Variants in PAK3 observed in about 807,000 individuals in gnomAD.
The protein encoded by PAK3 is p21 (RAC1) activated kinase 3, also known as serine/threonine-protein kinase PAK 3.
A neutral mutation model predicts 41.0 loss-of-function variants in PAK3; 4 were observed. The ratio of observed to expected loss-of-function variants is 0.10; its 90% CI spans 0.05 to 0.22. The LOEUF (loss-of-function observed/expected upper bound fraction) is 0.22. PAK3 is among the 10% of genes least tolerant of loss of function. The pLI is 1.00. For synonymous variants in PAK3, 146 were observed against 139.6 expected, an observed-to-expected ratio of 1.05 and a Z score of -0.32; for missense variants, 205 against 409.9, an observed-to-expected ratio of 0.50 and a Z score of 4.32.
chrX:110,977,926 A>G lies in PAK3; in HGVS notation c.-28+33298A>G, dbSNP rs183419959. On this transcript the variant is annotated intron_variant, in intron 1 of 14. Coordinates refer to the PAK3 transcript ENST00000425146. ...CATAATTGTCCTGGCTACAGCCTCCAATACAATGTTGACTAGAAACGACAA... is the reference window on the plus strand; with the variant it reads ...CATAATTGTCCTGGCTACAGCCTCCGATACAATGTTGACTAGAAACGACAA... 1.4e-4 allele frequency among the ~76,000 whole-genome samples: 16 copies of G among 111,990 alleles called. No homozygotes were observed. The East Asian group carries it at 4.2e-3, about 29-fold the overall frequency.
chrX:110,991,587 T>C (rs778893436), intron 1 of PAK3, among the ~76,000 whole-genome samples: 1 of 112,263 alleles, frequency 8.9e-6, no homozygotes, highest in African/African-American at 3.2e-5. Context: ...TGATAAGCAT[T>C]CAATAGATGT....
chrX:111,038,128 C>A (rs1014258144), intron 1 of PAK3, among the ~76,000 whole-genome samples: 4 of 111,918 alleles, frequency 3.6e-5, no homozygotes, highest in African/African-American at 1.3e-4. Context: ...ATAATGTATG[C>A]AAAGCATCAG....
At chrX:111,183,423 C>G (rs1442253141) in intron 11 of PAK3, among the ~76,000 whole-genome samples, 2 of 111,399 alleles carry the variant, frequency 1.8e-5, no homozygotes, top group African/African-American at 6.5e-5. Context: ...ATTTGTAAAA[C>G]CTTAATGGGA....
intron 1 of PAK3, among the ~76,000 whole-genome samples, chrX:110,994,458 G>A (rs1036617247): frequency 4.5e-5 from 5 of 111,499 alleles, no homozygotes; most frequent in African/African-American, 1.6e-4. Context: ...ACCCCTGTTT[G>A]GCACATGTGA....
At chrX:111,006,589 C>G (rs943799411) in intron 1 of PAK3, among the ~76,000 whole-genome samples, 2 of 110,676 alleles carry the variant, frequency 1.8e-5, no homozygotes, top group African/African-American at 6.6e-5. Flanking sequence ...AAAACAGATC[C>G]CCTGATGAAA....
chrX:110,999,215 A>C (rs1032840922), intron 1 of PAK3, among the ~76,000 whole-genome samples: 6 of 111,689 alleles, frequency 5.4e-5, no homozygotes, highest in African/African-American at 2.0e-4. Context: ...TACTTGCTGG[A>C]GGGTAGTTAA....
At chrX:111,086,047 A>G (rs1169221849) in intron 1 of PAK3, among the ~76,000 whole-genome samples, 1 of 73,051 alleles carries the variant, frequency 1.4e-5, no homozygotes, top group Non-Finnish European at 2.4e-5. Context: ...TAGAGAGAAG[A>G]CTGTGATGTC....
chrX:110,958,882 C>T (rs2090920069), intron 1 of PAK3, among the ~76,000 whole-genome samples: 1 of 111,681 alleles, frequency 9.0e-6, no homozygotes, highest in Non-Finnish European at 1.9e-5. Flanking sequence ...GGAAGAGGTT[C>T]CTTTCTCTTT....
intron 10 of PAK3, among the ~76,000 whole-genome samples, chrX:111,167,450 C>G (rs781132496): frequency 2.9e-4 from 32 of 110,899 alleles, no homozygotes; most frequent in Non-Finnish European, 7.6e-5. Flanking sequence ...GGTGGGCAGC[C>G]CAGACCACAG....
chrX:111,010,986 T>C (rs1321192812), intron 1 of PAK3, among the ~76,000 whole-genome samples: 1 of 111,864 alleles, frequency 8.9e-6, no homozygotes, highest in Non-Finnish European at 1.9e-5. Context: ...CTGTTCTAGT[T>C]TTGAAAAATC....
chrX:111,162,554 A>T (rs1277131778), intron 8 of PAK3, among the ~76,000 whole-genome samples: 2 of 112,251 alleles, frequency 1.8e-5, no homozygotes, highest in African/African-American at 6.5e-5. Context: ...TAATCTGCCC[A>T]GTATAGATTC....
chrX:111,148,901 C>T (rs760302613), intron 7 of PAK3, among the ~76,000 whole-genome samples: 1 of 111,197 alleles, frequency 9.0e-6, no homozygotes, highest in South Asian at 3.9e-4. Flanking sequence ...CAACAGTCCC[C>T]CAAAGTCTTA....
intron 17 of PAK3, among the ~76,000 whole-genome samples, chrX:111,219,236 A>C (rs1185416666): frequency 9.8e-6 from 1 of 102,200 alleles, no homozygotes; most frequent in African/African-American, 3.8e-5. Flanking sequence ...TAATAATAAT[A>C]AGCAAGAGAT....
At chrX:110,965,106 C>T (rs2091055641) in intron 1 of PAK3, among the ~76,000 whole-genome samples, 1 of 112,204 alleles carries the variant, frequency 8.9e-6, no homozygotes, top group Admixed American at 9.4e-5. Flanking sequence ...GGGATTGCTG[C>T]TGATATTCCA....
chrX:111,174,028 C>G (rs762943753), intron 11 of PAK3, among the ~76,000 whole-genome samples: 20 of 111,196 alleles, frequency 1.8e-4, no homozygotes, highest in African/African-American at 5.9e-4. Flanking sequence ...GGGCTGAAGA[C>G]AAAGGGTTAC....
chrX:111,055,866 C>G (rs1250213876), intron 1 of PAK3, among the ~76,000 whole-genome samples: 1 of 111,682 alleles, frequency 9.0e-6, no homozygotes, highest in African/African-American at 3.3e-5. Context: ...GAAGCAGCCT[C>G]CATTTCATGA....
intron 1 of PAK3, among the ~76,000 whole-genome samples, chrX:111,038,674 G>T (rs950063989): frequency 8.9e-6 from 1 of 111,891 alleles, no homozygotes; most frequent in Non-Finnish European, 1.9e-5. Flanking sequence ...GTTGACCTTA[G>T]GCAAGTATTT....
chrX:111,143,129 C>T (rs1170355638), intron 6 of PAK3, among the ~76,000 whole-genome samples: 1 of 110,447 alleles, frequency 9.1e-6, no homozygotes, highest in Non-Finnish European at 1.9e-5. Context: ...ATTTTGAGGG[C>T]ATTTCAAAAA....
Position 111,006,035 on chromosome X carries a change from G to C in PAK3, c.-28+61407G>C, listed in dbSNP as rs764668749. On this transcript the variant is annotated intron_variant, in intron 1 of 14. Transcript: ENST00000425146. ...GCAATAGACAGGGGTCACAGAAAAAGCCTATAGCACAGTATTTCTCAGCCC... is the reference window on the plus strand; with the variant it reads ...GCAATAGACAGGGGTCACAGAAAAACCCTATAGCACAGTATTTCTCAGCCC... Among the ~76,000 whole-genome samples the C allele has an allele frequency of 3.6e-5, 4 of 111,283 alleles. No individual in the cohort carries two copies. In the South Asian group the frequency reaches 1.5e-3, roughly 43 times the overall value.
Sources: gnomAD v4.1 joint callset for allele counts (sites outside exome capture counted in the v4.1 genomes callset) on GRCh38, gnomAD v4.1.1 for gene constraint, MANE v1.5 for transcripts, NCBI Gene and HGNC (gene_info 2026-07-23, HGNC 2026-07-21) for gene names.